Variants in TMEM114 observed in about 807,000 individuals in gnomAD.
TMEM114 encodes the protein transmembrane protein 114, also known as claudin-26.
A neutral mutation model predicts 6.2 loss-of-function variants in TMEM114; 6 were observed. That is an observed-to-expected ratio of 0.97 (90% CI 0.53 to 1.91). TMEM114 has a LOEUF of 1.91. Among genes scored for constraint, TMEM114 ranks in the 40% most tolerant of loss-of-function variants. TMEM114 has a pLI of 0.01. For synonymous variants in TMEM114, 104 were observed against 73.0 expected (o/e 1.42, Z -2.16); for missense variants, 218 against 158.3 (o/e 1.38, Z -2.02).
chr16:8,555,209 A>C (rs959987350), intron 2 of TMEM114, among the ~76,000 whole-genome samples: 3 of 152,186 alleles, frequency 2.0e-5, no homozygotes, highest in African/African-American at 7.2e-5. Flanking sequence ...AAAGGTATGC[A>C]CTACTGATGC....
chr16:8,564,331 GAA>G (rs1901438617), intron 2 of TMEM114, among the ~76,000 whole-genome samples: 1 of 138,234 alleles, frequency 7.2e-6, no homozygotes, highest in Non-Finnish European at 1.6e-5. Flanking sequence ...GTGAGTTAGA[GAA>G]TGAGTCAGTG....
chr16:8,549,500 C>CG (rs896581885), intron 2 of TMEM114, among the ~76,000 whole-genome samples: 4 of 77,872 alleles, frequency 5.1e-5, no homozygotes, highest in African/African-American at 1.3e-4. Flanking sequence ...AACTCCGTCT[C>CG]GAAAAAAAAA....
chr16:8,585,379 G>A (rs77951724), intron 2 of TMEM114, among the ~76,000 whole-genome samples: 1 of 152,106 alleles, frequency 6.6e-6, no homozygotes, highest in East Asian at 1.9e-4. Context: ...AAATTACTTG[G>A]CACTGAAGTG....
chr16:8,588,648 G>T (rs1373794293), intron 2 of TMEM114, among the ~76,000 whole-genome samples: 1 of 152,182 alleles, frequency 6.6e-6, no homozygotes, highest in African/African-American at 2.4e-5. Context: ...TAAGAGGGAC[G>T]CAGTGGACCT....
At chr16:8,533,528 AG>A (rs776607042), downstream of TMEM114, among the ~76,000 whole-genome samples, 23 of 152,284 alleles carry the variant, frequency 1.5e-4, no homozygotes, top group Non-Finnish European at 2.4e-4. Context: ...TAAGTGTAAT[AG>A]GAAACCACTG....
At chr16:8,570,239 G>A (rs759234647) in intron 3 of TMEM114, among the ~76,000 whole-genome samples, 1 of 152,178 alleles carries the variant, frequency 6.6e-6, no homozygotes, top group Non-Finnish European at 1.5e-5. Flanking sequence ...TCGATTCCTG[G>A]ACTTGCCTGA....
At chr16:8,554,451 A>G (rs1900944093) in intron 2 of TMEM114, among the ~76,000 whole-genome samples, 1 of 152,110 alleles carries the variant, frequency 6.6e-6, no homozygotes, top group South Asian at 2.1e-4. Flanking sequence ...GACCAGAGAG[A>G]GAGAATCTCC....
intron 2 of TMEM114, among the ~76,000 whole-genome samples, chr16:8,562,672 GGGAA>G (rs1901299047): frequency 6.7e-6 from 1 of 149,054 alleles, no homozygotes; most frequent in Non-Finnish European, 1.5e-5. Flanking sequence ...GAATTAGTGA[GGGAA>G]TGAGTGAGTG....
Position 8,588,784 on chromosome 16 carries a change from C to T in TMEM114, c.301+429G>A, listed in dbSNP as rs891683168. On this transcript the variant is annotated intron_variant, in intron 2 of 3. Coordinates refer to ENST00000620492, the MANE Select transcript of TMEM114 (RefSeq NM_001146336.2). ...GCAATGTGAATACAAACAACGCTGG[C>T]ATGGAATCTGTGGAATGAGACCTCT... Among the ~76,000 whole-genome samples, 10 of 152,314 alleles carry T rather than the reference C, an allele frequency of 6.6e-5. 1 individual carries two copies. The East Asian group carries it at 1.2e-3, about 18-fold the overall frequency.
rs537802837 is a variant in TMEM114, at chr16:8,548,573, C to A, written n.213-10747G>T. 2.0e-5 allele frequency among the ~76,000 whole-genome samples: 3 copies of A among 152,122 alleles called. No individual in the cohort carries two copies. The East Asian group carries it at 5.8e-4, about 29-fold the overall frequency. ...CTGTGACCTTTTGCAGGGCCACGAACCATTGTAGTATCCTAGACCTTTTTC... is the reference window on the plus strand; with the variant it reads ...CTGTGACCTTTTGCAGGGCCACGAAACATTGTAGTATCCTAGACCTTTTTC... On this transcript the variant is annotated intron_variant and non_coding_transcript_variant, in intron 2 of 2. Transcript: ENST00000623677.
chr16:8,569,742 C>T lies in TMEM114; in HGVS notation c.*31G>A, dbSNP rs777834681. ...TCGGTGAAGCTCCGGGGCCAAGCCC[C>T]TCCCTCCCCTCCACGACCCAGCGCC... On this transcript the variant is annotated 3_prime_UTR_variant, in exon 4 of 4. Transcript: ENST00000620492. The T allele has an allele frequency of 3.5e-5, 54 of 1,528,880 alleles. No homozygotes were observed. The highest frequency in any genetic ancestry group is 3.2e-5 in the Non-Finnish European group (36 of 1,132,332). 94.7% of individuals were successfully genotyped at this position (1,528,880 alleles called of 1,614,324 possible). A position where few individuals can be genotyped will look rare whatever the true frequency, so the allele number is the denominator to read the frequency against.
chr16:8,532,729 C>A (rs1900253706), downstream of TMEM114, among the ~76,000 whole-genome samples: 1 of 152,072 alleles, frequency 6.6e-6, no homozygotes, highest in African/African-American at 2.4e-5. Flanking sequence ...TCGAGACCAT[C>A]CTGGCTAACA....
intron 2 of TMEM114, among the ~76,000 whole-genome samples, chr16:8,542,861 G>C (rs1397045427): frequency 6.6e-6 from 1 of 152,134 alleles, no homozygotes; most frequent in Non-Finnish European, 1.5e-5. Context: ...AGCAAACGTA[G>C]TCTTCTTAGG....
the TMEM114 span, among the ~76,000 whole-genome samples, chr16:8,531,144 A>G: frequency 2.6e-5 from 4 of 152,228 alleles, no homozygotes; most frequent in East Asian, 7.7e-4. Context: ...GAAAATGTAG[A>G]CAACAACACT....
At chr16:8,556,655 T>C (rs1901018875) in intron 2 of TMEM114, among the ~76,000 whole-genome samples, 2 of 151,958 alleles carry the variant, frequency 1.3e-5, no homozygotes, top group Non-Finnish European at 2.9e-5. Context: ...GTACCCGCCA[T>C]CACACATGGC....
At chr16:8,565,573 C>G (rs571715885), downstream of TMEM114, among the ~76,000 whole-genome samples, 1 of 152,248 alleles carries the variant, frequency 6.6e-6, no homozygotes, top group African/African-American at 2.4e-5. Context: ...TCCTCTAACC[C>G]CCGGTTAGTC....
intron 2 of TMEM114, among the ~76,000 whole-genome samples, chr16:8,544,548 G>A (rs923546912): frequency 6.6e-5 from 10 of 152,206 alleles, no homozygotes; most frequent in African/African-American, 2.2e-4. Flanking sequence ...TGAGCAGTCG[G>A]TAGACGACCA....
the TMEM114 span, among the ~76,000 whole-genome samples, chr16:8,530,687 G>A: frequency 6.6e-6 from 1 of 151,918 alleles, no homozygotes; most frequent in Non-Finnish European, 1.5e-5. Flanking sequence ...AATAGAGGAG[G>A]ATGGGAGGGA....
At chr16:8,540,632 G>A (rs1473408724) in intron 2 of TMEM114, among the ~76,000 whole-genome samples, 2 of 149,448 alleles carry the variant, frequency 1.3e-5, no homozygotes, top group Non-Finnish European at 2.9e-5. Flanking sequence ...TTCATTCACT[G>A]AACCAATTTT....
Sources: allele counts gnomAD v4.1 joint callset (sites outside exome capture counted in the v4.1 genomes callset), GRCh38; gene constraint gnomAD v4.1.1; transcripts MANE v1.5; gene names NCBI Gene and HGNC (gene_info 2026-07-23, HGNC 2026-07-21).